IMMP2L: variants seen among roughly 807,000 people sequenced by gnomAD.
The protein encoded by IMMP2L is inner mitochondrial membrane peptidase subunit 2.
IMMP2L carries 18 observed loss-of-function variants against 19.3 expected under a neutral mutation model. That is an observed-to-expected ratio of 0.93 (90% CI 0.64 to 1.38). The LOEUF (loss-of-function observed/expected upper bound fraction) is 1.38, where lower values mean the gene tolerates loss of function less well. IMMP2L is among the 40% of genes most tolerant of loss of function. The probability of loss-of-function intolerance (pLI) is 0.00; values close to 1 mark genes in which losing one functional copy is unlikely to be tolerated. For missense variants in IMMP2L, 233 were observed against 218.2 expected, an observed-to-expected ratio of 1.07 and a Z score of -0.43; for synonymous variants, 76 against 73.0, an observed-to-expected ratio of 1.04 and a Z score of -0.21.
At chr7:111,096,271 G>C (rs1797387380) in intron 3 of IMMP2L, among the ~76,000 whole-genome samples, 1 of 151,788 alleles carries the variant, frequency 6.6e-6, no homozygotes, top group African/African-American at 2.4e-5. Flanking sequence ...ATGTTGAGGT[G>C]CAAGGGTCTC....
chr7:110,689,532 G>A (rs1404922), intron 5 of IMMP2L, among the ~76,000 whole-genome samples: 61,757 of 151,960 alleles, frequency 0.41, 15,529 homozygotes, highest in East Asian at 0.75. Flanking sequence ...ATTTCTAAAA[G>A]TCAGCTTTTT....
At chr7:111,410,604 C>T (rs1834320103) in intron 3 of IMMP2L, among the ~76,000 whole-genome samples, 1 of 150,774 alleles carries the variant, frequency 6.6e-6, no homozygotes, top group South Asian at 2.1e-4. Flanking sequence ...AAAACAGATC[C>T]AATTAACAAA....
At chr7:111,256,764 C>T (rs1398266555) in intron 3 of IMMP2L, among the ~76,000 whole-genome samples, 1 of 152,058 alleles carries the variant, frequency 6.6e-6, no homozygotes. Flanking sequence ...CTGCCCTGAA[C>T]TGACACATTA....
rs139161876 is a variant in IMMP2L at position 110,801,057 on chromosome 7, T to C, written c.408+85536A>G. Among the ~76,000 whole-genome samples, 37 of 152,210 alleles carry C rather than the reference T, an allele frequency of 2.4e-4. No individual in the cohort carries two copies. The East Asian group carries it at 7.0e-3, about 29-fold the overall frequency. On this transcript the variant is annotated intron_variant, in intron 5 of 5. Transcript: ENST00000405709. ...ACATGACTTACAGCCCATGGTTTAG[T>C]AGATTCATTTTTATACATGGATGGC...
intron 3 of IMMP2L, among the ~76,000 whole-genome samples, chr7:111,032,599 A>T (rs906351638): frequency 1.2e-4 from 19 of 152,174 alleles, no homozygotes; most frequent in Admixed American, 7.2e-4. Flanking sequence ...AGGTGGGCAG[A>T]TCACTTGAAG....
At chr7:110,667,678 T>C (rs946944059) in intron 5 of IMMP2L, among the ~76,000 whole-genome samples, 34 of 152,304 alleles carry the variant, frequency 2.2e-4, no homozygotes, top group African/African-American at 7.2e-4. Flanking sequence ...AGATGAATTA[T>C]CCTCTAGAAC....
intron 5 of IMMP2L, among the ~76,000 whole-genome samples, chr7:110,700,200 G>C (rs957865815): frequency 6.6e-6 from 1 of 152,120 alleles, no homozygotes; most frequent in Admixed American, 6.5e-5. Context: ...GTGGTAATTT[G>C]TGAGGCATCA....
At position 111,357,327 on chromosome 7, in the gene IMMP2L, C is replaced by A. The variant is rs75949789; in HGVS notation, c.239+129911G>T. Among the ~76,000 whole-genome samples, 584 of 152,188 alleles carry A rather than the reference C, an allele frequency of 3.8e-3. 7 individuals are homozygous for A. Among genetic ancestry groups the A allele is most frequent in the African/African-American group, 0.014 (564 of 41,540 alleles). ...CAATGAATTTTTTTTCCAACAATAA[C>A]AATTTTCTTTAAATTCATTTACAAA... On this transcript the variant is annotated intron_variant, in intron 3 of 5. Transcript: ENST00000405709.
At chr7:111,016,894 ATATATTATATATAATTATATATATATT>A (rs1825741474) in intron 3 of IMMP2L, among the ~76,000 whole-genome samples, 1 of 90,398 alleles carries the variant, frequency 1.1e-5, no homozygotes, top group South Asian at 3.2e-4. Context: ...TATATATAAT[ATATATTATATATAATTATATATATATT>A]TATATATACT....
chr7:110,860,195 A>G (rs1807247694), intron 5 of IMMP2L, among the ~76,000 whole-genome samples: 1 of 152,142 alleles, frequency 6.6e-6, no homozygotes, highest in Admixed American at 6.6e-5. Context: ...ACTGAATTGG[A>G]AAAAAGAGGA....
chr7:111,549,558 T>C (rs1450865055), intron 1 of IMMP2L, among the ~76,000 whole-genome samples: 1 of 152,200 alleles, frequency 6.6e-6, no homozygotes, highest in Non-Finnish European at 1.5e-5. Context: ...AATGTAGTCA[T>C]ATACATCAGA....
At chr7:110,703,386 G>T (rs1340964630) in intron 5 of IMMP2L, among the ~76,000 whole-genome samples, 1 of 151,838 alleles carries the variant, frequency 6.6e-6, no homozygotes, top group Non-Finnish European at 1.5e-5. Flanking sequence ...GTATTGGTAT[G>T]TAGTTTTTTT....
At chr7:111,144,706 G>A (rs1803284189) in intron 3 of IMMP2L, among the ~76,000 whole-genome samples, 1 of 152,076 alleles carries the variant, frequency 6.6e-6, no homozygotes, top group Non-Finnish European at 1.5e-5. Context: ...GGATTACAAT[G>A]AAAGAGATAC....
At chr7:111,542,100 A>T (rs765809657) in intron 1 of IMMP2L, among the ~76,000 whole-genome samples, 2 of 152,126 alleles carry the variant, frequency 1.3e-5, no homozygotes, top group Non-Finnish European at 2.9e-5. Context: ...AGATTATCAA[A>T]CATAAAATAT....
intron 3 of IMMP2L, among the ~76,000 whole-genome samples, chr7:111,277,135 G>T (rs1171902915): frequency 1.3e-5 from 2 of 151,994 alleles, no homozygotes; most frequent in Middle Eastern, 3.2e-3. Flanking sequence ...AAACTAAAAA[G>T]CTTCTGCACA....
chr7:111,452,041 A>G (rs144247067), intron 3 of IMMP2L, among the ~76,000 whole-genome samples: 2 of 152,126 alleles, frequency 1.3e-5, no homozygotes, highest in Non-Finnish European at 2.9e-5. Flanking sequence ...CCTTCAGTGT[A>G]GTATCTATTG....
At chr7:110,679,358 A>T (rs927734198) in intron 5 of IMMP2L, among the ~76,000 whole-genome samples, 1 of 152,116 alleles carries the variant, frequency 6.6e-6, no homozygotes, top group Non-Finnish European at 1.5e-5. Context: ...ACACTATTCA[A>T]CAATAATCCA....
chr7:111,437,978 G>A (rs1011906615), intron 3 of IMMP2L, among the ~76,000 whole-genome samples: 1 of 151,720 alleles, frequency 6.6e-6, no homozygotes, highest in African/African-American at 2.4e-5. Context: ...ACCCTCTCTA[G>A]GCATGCATGC....
intron 3 of IMMP2L, among the ~76,000 whole-genome samples, chr7:110,979,013 A>G (rs1820979018): frequency 6.6e-6 from 1 of 152,050 alleles, no homozygotes; most frequent in Admixed American, 6.6e-5. Flanking sequence ...GACTATATAG[A>G]AAATTAAGGA....
Sources: gnomAD v4.1 joint callset for allele counts (sites outside exome capture counted in the v4.1 genomes callset) on GRCh38, gnomAD v4.1.1 for gene constraint, MANE v1.5 for transcripts, NCBI Gene and HGNC (gene_info 2026-07-23, HGNC 2026-07-21) for gene names.